GNG2: variants seen among roughly 807,000 people sequenced by gnomAD.
GNG2 encodes the protein G protein subunit gamma 2, also known as guanine nucleotide-binding protein G(I)/G(S)/G(O) subunit gamma-2.
In GNG2, 5 loss-of-function variants were observed where a neutral mutation model predicts 5.5. The ratio of observed to expected loss-of-function variants is 0.91; its 90% CI spans 0.48 to 1.92. The LOEUF (loss-of-function observed/expected upper bound fraction) is 1.92. Ranked by LOEUF, GNG2 falls within the 30% of genes most tolerant of loss-of-function variation. The pLI, the probability that GNG2 is intolerant of heterozygous loss-of-function variation, is 0.01. For missense variants in GNG2, 55 were observed against 88.4 expected (o/e 0.62, Z 1.52); for synonymous variants, 28 against 32.0 (o/e 0.88, Z 0.42).
chr14:51,906,020 C>T (rs1186081489), intron 2 of GNG2, among the ~76,000 whole-genome samples: 4 of 152,216 alleles, frequency 2.6e-5, no homozygotes, highest in African/African-American at 4.8e-5. Flanking sequence ...CAGACTAATA[C>T]ACAGGGTACC....
At chr14:51,936,537 T>C (rs1888016742) in intron 2 of GNG2, among the ~76,000 whole-genome samples, 1 of 146,838 alleles carries the variant, frequency 6.8e-6, no homozygotes, top group Admixed American at 6.9e-5. Context: ...TTTTACTCCA[T>C]TGATTTTTTT....
chr14:51,853,904 T>A (rs1380297965), intron 2 of GNG2, among the ~76,000 whole-genome samples: 1 of 151,738 alleles, frequency 6.6e-6, no homozygotes, highest in Non-Finnish European at 1.5e-5. Context: ...TTTTCTTTTT[T>A]TTTTGGGACA....
intron 1 of GNG2, among the ~76,000 whole-genome samples, chr14:51,872,807 A>T (rs148288504): frequency 6.5e-4 from 99 of 152,332 alleles, no homozygotes; most frequent in African/African-American, 2.2e-3. Flanking sequence ...GGACTCTTTC[A>T]TGTTTGCATT....
chr14:51,943,804 AT>A (rs141911796), intron 2 of GNG2, among the ~76,000 whole-genome samples: 47,129 of 152,064 alleles, frequency 0.31, 8,238 homozygotes, highest in Non-Finnish European at 0.39. Flanking sequence ...ACATAAATAA[AT>A]GGAAAAAGAC....
At chr14:51,831,745 T>G (rs1881197473) in intron 2 of GNG2, among the ~76,000 whole-genome samples, 1 of 152,226 alleles carries the variant, frequency 6.6e-6, no homozygotes, top group Non-Finnish European at 1.5e-5. Flanking sequence ...AATTACTTCA[T>G]GACCAATGCC....
At chr14:51,853,439 G>A (rs1882006475) in intron 2 of GNG2, among the ~76,000 whole-genome samples, 1 of 152,092 alleles carries the variant, frequency 6.6e-6, no homozygotes, top group Non-Finnish European at 1.5e-5. Flanking sequence ...GAAAACTTAG[G>A]TACAGAATAG....
chr14:51,843,956 C>T (rs959972535), intron 2 of GNG2, among the ~76,000 whole-genome samples: 6 of 152,308 alleles, frequency 3.9e-5, no homozygotes, highest in African/African-American at 1.4e-4. Flanking sequence ...ACCCCTTGGT[C>T]ACCACCTTGG....
At chr14:51,845,987 C>T (rs1959524) in intron 2 of GNG2, among the ~76,000 whole-genome samples, 108,076 of 152,086 alleles carry the variant, frequency 0.71, 40,839 homozygotes, top group East Asian at 0.97. Flanking sequence ...TGGGACACTC[C>T]AGTTCATTGC....
chr14:51,917,860 T>C (rs2140217511), intron 2 of GNG2, among the ~76,000 whole-genome samples: 1 of 152,106 alleles, frequency 6.6e-6, no homozygotes, highest in South Asian at 2.1e-4. Flanking sequence ...ATCCTGTCTC[T>C]ACTAAAAACA....
At chr14:51,935,634 A>G (rs1887948004) in intron 2 of GNG2, among the ~76,000 whole-genome samples, 2 of 152,108 alleles carry the variant, frequency 1.3e-5, no homozygotes, top group Admixed American at 6.6e-5. Context: ...CTTTGTTCTG[A>G]CACTGTGTTA....
chr14:51,900,642 A>G (rs967133378), intron 2 of GNG2, among the ~76,000 whole-genome samples: 6 of 151,174 alleles, frequency 4.0e-5, no homozygotes, highest in Non-Finnish European at 7.4e-5. Context: ...TAACAGACTC[A>G]ATACTTTTAC....
chr14:51,837,708 TA>T (rs1423301688), intron 2 of GNG2, among the ~76,000 whole-genome samples: 2 of 152,030 alleles, frequency 1.3e-5, no homozygotes, highest in Admixed American at 6.6e-5. Flanking sequence ...AAAGGTTTTT[TA>T]ACTTGTTAAT....
intron 2 of GNG2, among the ~76,000 whole-genome samples, chr14:51,950,325 C>T (rs1888897363): frequency 6.6e-6 from 1 of 152,180 alleles, no homozygotes; most frequent in Non-Finnish European, 1.5e-5. Context: ...ACTATAGTGT[C>T]TCTGTAGTAT....
At chr14:51,870,461 T>C (rs576495766) in intron 1 of GNG2, among the ~76,000 whole-genome samples, 1 of 152,182 alleles carries the variant, frequency 6.6e-6, no homozygotes, top group Non-Finnish European at 1.5e-5. Context: ...CATTGTAAAA[T>C]ATATATATAA....
At chr14:51,914,600 A>G (rs972307262) in intron 2 of GNG2, among the ~76,000 whole-genome samples, 1 of 152,178 alleles carries the variant, frequency 6.6e-6, no homozygotes, top group African/African-American at 2.4e-5. Context: ...TCTCTAATTA[A>G]TTAATTCATT....
intron 1 of GNG2, among the ~76,000 whole-genome samples, chr14:51,868,883 T>C (rs1462506671): frequency 2.0e-5 from 3 of 152,212 alleles, no homozygotes; most frequent in African/African-American, 7.2e-5. Flanking sequence ...CTACTCTGTT[T>C]GATTACATTT....
rs1394855809 is a variant in GNG2 at position 51,960,069 on chromosome 14, T to G, written c.88-6490T>G. On this transcript the variant is annotated intron_variant, in intron 3 of 3. Coordinates refer to ENST00000556766, the MANE Select transcript of GNG2 (RefSeq NM_053064.5). Reference sequence around the variant, plus strand: ...TTCAGCCATTATATCTTCAAATATTTTTTCTTTATCTTTCACTCCCCATAT... The same window carrying G: ...TTCAGCCATTATATCTTCAAATATTGTTTCTTTATCTTTCACTCCCCATAT... 2.0e-5 allele frequency among the ~76,000 whole-genome samples: 3 copies of G among 152,158 alleles called. No homozygotes were observed. In the East Asian group the frequency reaches 5.8e-4, roughly 29 times the overall value.
chr14:51,867,105 TCTC>T lies in GNG2; in HGVS notation c.-71+6321_-71+6323del, dbSNP rs1219047487. On this transcript the variant is annotated intron_variant, in intron 1 of 3. Coordinates refer to ENST00000556766, the MANE Select transcript of GNG2 (RefSeq NM_053064.5). ...GTAATTAAGAAGTAGATGAAACAAA[TCTC>T]CTCCTACCTCTCTGCGGGCTCCAAC... is the stretch of plus-strand genomic sequence containing the variant. Among the ~76,000 whole-genome samples the T allele has an allele frequency of 2.6e-5, 4 of 152,170 alleles. No homozygotes were observed. In the East Asian group the frequency reaches 5.8e-4, roughly 22 times the overall value.
At chr14:51,837,903 TG>T (rs1340384901) in intron 2 of GNG2, among the ~76,000 whole-genome samples, 1 of 152,184 alleles carries the variant, frequency 6.6e-6, no homozygotes, top group African/African-American at 2.4e-5. Flanking sequence ...TATTGCTCTT[TG>T]ACGAGAATTA....
Sources: allele counts gnomAD v4.1 joint callset (sites outside exome capture counted in the v4.1 genomes callset), GRCh38; gene constraint gnomAD v4.1.1; transcripts MANE v1.5; gene names NCBI Gene and HGNC (gene_info 2026-07-23, HGNC 2026-07-21).